SYNRG: variants seen among roughly 807,000 people sequenced by gnomAD.
The protein encoded by SYNRG is AP1 gamma subunit binding protein 1.
Under a neutral mutation model 130.9 loss-of-function variants are expected in SYNRG, and 37 were observed. That is an observed-to-expected ratio of 0.28 (90% CI 0.22 to 0.37). SYNRG has a LOEUF of 0.37. SYNRG is among the 10% of genes least tolerant of loss of function. The probability of loss-of-function intolerance (pLI) is 1.00; values close to 1 mark genes in which losing one functional copy is unlikely to be tolerated. For missense variants in SYNRG, 1,338 were observed against 1,588.9 expected, an observed-to-expected ratio of 0.84 and a Z score of 2.68; for synonymous variants, 539 against 568.1, an observed-to-expected ratio of 0.95 and a Z score of 0.73.
Position 37,518,914 on chromosome 17 carries a change from A to G in SYNRG, c.*26T>C. 1 of 1,605,334 alleles carries G rather than the reference A, an allele frequency of 6.2e-7. No individual in the cohort carries two copies. The highest frequency in any genetic ancestry group is 8.5e-7 in the Non-Finnish European group (1 of 1,175,752). On this transcript the variant is annotated 3_prime_UTR_variant, in exon 22 of 22. Coordinates refer to ENST00000612223, the MANE Select transcript of SYNRG (RefSeq NM_007247.6). ...CCCGTGGGGTGTCACAGAAAAAAAA[A>G]AGTCAATGCTTCACAGAGGAGTTGT...
In SYNRG at chr17:37,520,646, T is replaced by C; in HGVS notation, c.3669A>G (p.Pro1223=). Residue 1223 remains proline (P), a splice_region_variant and synonymous_variant, in exon 20 of 22, where the codon CCA becomes CCG. Transcript: ENST00000612223. ...IGFMSLATLT[P]DENSLDFSSC... is the part of the protein sequence containing the mutation. ...AGGAAAAATCCAGCGAGTTTTCATCTGGCTGTGAGGACGACAAGACAAATG... is the reference window on the plus strand; with the variant it reads ...AGGAAAAATCCAGCGAGTTTTCATCCGGCTGTGAGGACGACAAGACAAATG... 1.2e-6 allele frequency: 2 copies of C among 1,614,084 alleles called. No homozygotes were observed. Among genetic ancestry groups the C allele is most frequent in the Non-Finnish European group, 8.5e-7 (1 of 1,179,912 alleles).
chr17:37,529,169 C>T (rs1158303492), intron 19 of SYNRG, among the ~76,000 whole-genome samples: 1 of 152,160 alleles, frequency 6.6e-6, no homozygotes, highest in Non-Finnish European at 1.5e-5. Context: ...AATGCCCAGC[C>T]CTTTTCTCCA....
At position 37,576,506 on chromosome 17, in the gene SYNRG, T is replaced by C. The variant is rs893032526; in HGVS notation, c.824-88A>G. On this transcript the variant is annotated intron_variant, in intron 7 of 21. Coordinates refer to ENST00000612223, the MANE Select transcript of SYNRG (RefSeq NM_007247.6). ...AGTCATGGTTTTTTACAAAGAGCAC[T>C]GGCTGGAGACACTAAAAAAAGTCAC... The C allele has an allele frequency of 9.0e-6, 11 of 1,225,036 alleles. No homozygotes were observed. In the Admixed American group the frequency reaches 1.6e-4, roughly 18 times the overall value. The allele number at this position is 1,225,036 out of a possible 1,614,324, so 75.9% of individuals were successfully genotyped here.
intron 5 of SYNRG, 128 bp from the exon 6 acceptor site, chr17:37,584,887 A>C (rs2061580529): frequency 1.5e-6 from 1 of 676,140 alleles, no homozygotes; most frequent in East Asian, 2.7e-5. Context: ...CTGATAATGA[A>C]TTATCCAAGT....
At chr17:37,527,719 T>C (rs983060402) in intron 19 of SYNRG, among the ~76,000 whole-genome samples, 3 of 152,162 alleles carry the variant, frequency 2.0e-5, no homozygotes, top group Admixed American at 1.3e-4. Context: ...AGGATGTGCA[T>C]AGGTTATATG....
chr17:37,548,702 C>T (rs1268645442), intron 14 of SYNRG, among the ~76,000 whole-genome samples: 1 of 151,826 alleles, frequency 6.6e-6, no homozygotes, highest in Non-Finnish European at 1.5e-5. Context: ...CCTGGAATCC[C>T]AGTTACTTGG....
chr17:37,547,624 G>A lies in SYNRG; in HGVS notation c.2609-5059C>T, dbSNP rs143875860. 5.1e-3 allele frequency among the ~76,000 whole-genome samples: 778 copies of A among 152,192 alleles called. 2 individuals are homozygous for A. Among genetic ancestry groups the A allele is most frequent in the Non-Finnish European group, 8.1e-3 (553 of 67,996 alleles). ...ATTACAGGCACGAGCCACCACACCTGGCTAATTTTTGTATTTTTAGTAGAG... is the reference window on the plus strand; with the variant it reads ...ATTACAGGCACGAGCCACCACACCTAGCTAATTTTTGTATTTTTAGTAGAG... On this transcript the variant is annotated intron_variant, in intron 14 of 21. Transcript: ENST00000612223.
chr17:37,593,874 C>G (rs9893570), intron 3 of SYNRG, among the ~76,000 whole-genome samples: 72,256 of 145,870 alleles, frequency 0.5, 19,910 homozygotes, highest in African/African-American at 0.75. Context: ...ACAAAACTCC[C>G]TCTCAAAAAA....
chr17:37,580,510 T>TGTGTGTGTGTGTGTGTGTGAGA (rs1384344164), intron 6 of SYNRG, among the ~76,000 whole-genome samples: 2 of 127,660 alleles, frequency 1.6e-5, no homozygotes, highest in African/African-American at 7.3e-5. Context: ...TGTGTGTGTG[T>TGTGTGTGTGTGTGTGTGTGAGA]GAGAGAGAGA....
chr17:37,607,800 C>G lies in SYNRG; in HGVS notation c.77+1479G>C, dbSNP rs145160506. 9.9e-4 allele frequency among the ~76,000 whole-genome samples: 149 copies of G among 150,728 alleles called. 3 individuals are homozygous for G. In the East Asian group the frequency reaches 0.027, roughly 27 times the overall value. ...CGAGACTCTGTCTCAATCGATCAATCAACAAAATTAGCCGGGCATGGTGGC... is the reference window on the plus strand; with the variant it reads ...CGAGACTCTGTCTCAATCGATCAATGAACAAAATTAGCCGGGCATGGTGGC... On this transcript the variant is annotated intron_variant, in intron 1 of 21. Coordinates refer to ENST00000612223, the MANE Select transcript of SYNRG (RefSeq NM_007247.6).
intron 6 of SYNRG, among the ~76,000 whole-genome samples, chr17:37,580,682 G>A (rs1262721995): frequency 6.6e-6 from 1 of 152,038 alleles, no homozygotes; most frequent in Non-Finnish European, 1.5e-5. Context: ...CTACAGGTGC[G>A]TGCCACCACA....
At chr17:37,529,899 T>C (rs1402750099) in intron 19 of SYNRG, 3 of 1,530,986 alleles carry the variant, frequency 2.0e-6, no homozygotes, top group Non-Finnish European at 1.8e-6. Context: ...TATAGAAATC[T>C]AGTTTTCAAG....
chr17:37,566,028 G>T (rs1468105464), intron 11 of SYNRG, among the ~76,000 whole-genome samples: 1 of 144,200 alleles, frequency 6.9e-6, no homozygotes, highest in Non-Finnish European at 1.5e-5. Flanking sequence ...TCAGCCCCCC[G>T]CCCGGCCAGC....
At chr17:37,575,689 A>G (rs539627157) in intron 8 of SYNRG, among the ~76,000 whole-genome samples, 4 of 151,980 alleles carry the variant, frequency 2.6e-5, no homozygotes, top group Non-Finnish European at 4.4e-5. Context: ...AAAAAATACA[A>G]AAATTAGCTG....
At chr17:37,566,256 A>G (rs1217951222) in intron 11 of SYNRG, among the ~76,000 whole-genome samples, 3 of 151,466 alleles carry the variant, frequency 2.0e-5, no homozygotes, top group African/African-American at 7.3e-5. Context: ...AGAAAGAAGT[A>G]GACATGGGAG....
chr17:37,521,046 T>C (rs1348853783), intron 19 of SYNRG, among the ~76,000 whole-genome samples: 3 of 150,788 alleles, frequency 2.0e-5, no homozygotes, highest in Non-Finnish European at 4.4e-5. Flanking sequence ...TTTTTTTTTT[T>C]TTTGGAGACA....
chr17:37,541,297 T>C, intron 15 of SYNRG: 1 of 978,582 alleles, frequency 1.0e-6, no homozygotes, highest in Non-Finnish European at 1.2e-6. Context: ...CAAACTCAAA[T>C]GCCTTCAGAG....
intron 1 of SYNRG, chr17:37,606,009 C>T (rs191588090): frequency 1.4e-4 from 137 of 985,042 alleles, no homozygotes; most frequent in Non-Finnish European, 1.5e-4. Context: ...TGGACCATTA[C>T]GCAATAATTA....
intron 6 of SYNRG, among the ~76,000 whole-genome samples, chr17:37,583,062 C>T (rs1179593631): frequency 6.6e-6 from 1 of 151,486 alleles, no homozygotes; most frequent in Non-Finnish European, 1.5e-5. Context: ...GCAGTCTCGA[C>T]TCACTGCAGC....
Sources: gnomAD v4.1 joint callset for allele counts (sites outside exome capture counted in the v4.1 genomes callset) on GRCh38, gnomAD v4.1.1 for gene constraint, MANE v1.5 for transcripts, NCBI Gene and HGNC (gene_info 2026-07-23, HGNC 2026-07-21) for gene names.